Variants in IL1R1 observed in about 807,000 individuals in gnomAD.
IL1R1 encodes interleukin 1 receptor type 1.
IL1R1 carries 22 observed loss-of-function variants against 50.2 expected under a neutral mutation model. That is an observed-to-expected ratio of 0.44 (90% CI 0.31 to 0.63). The LOEUF (loss-of-function observed/expected upper bound fraction) is 0.63. Ranked by LOEUF, IL1R1 falls within the 20% of genes least tolerant of loss-of-function variation. IL1R1 has a pLI of 0.07. For missense variants in IL1R1, 509 were observed against 676.2 expected (o/e 0.75, Z 2.74); for synonymous variants, 251 against 236.7 (o/e 1.06, Z -0.55).
rs1478368407 is a variant in IL1R1 at position 102,165,214 on chromosome 2, A to T, written c.396A>T (p.Leu132=). The change falls in exon 5 of 12, where the codon CTA becomes CTT. Residue 132 remains leucine, a synonymous_variant. Transcript: ENST00000410023. ...YNAQAIFKQK[L]PVAGDGGLVC... The stretch of plus-strand genomic sequence containing the variant: ...CACAAGCCATATTTAAGCAGAAACT[A>T]CCCGTTGCAGGAGACGGAGGACTTG... The T allele has an allele frequency of 1.2e-6, 2 of 1,608,040 alleles. No homozygotes were observed. Among genetic ancestry groups the T allele is most frequent in the Non-Finnish European group, 1.7e-6 (2 of 1,177,946 alleles).
chr2:102,114,814 A>AAAAG (rs1559469832), intron 1 of IL1R1, among the ~76,000 whole-genome samples: 4 of 152,214 alleles, frequency 2.6e-5, no homozygotes, highest in African/African-American at 9.6e-5. Flanking sequence ...TTGGATTGGA[A>AAAAG]GTAGAGGCAG....
intron 1 of IL1R1, among the ~76,000 whole-genome samples, chr2:102,077,367 G>A (rs758316403): frequency 3.3e-5 from 5 of 152,246 alleles, no homozygotes; most frequent in Middle Eastern, 3.4e-3. Context: ...CGTGGCACCC[G>A]GCCGAAGTTT....
At chr2:102,103,280 A>G (rs537038624), upstream of IL1R1, among the ~76,000 whole-genome samples, 70 of 152,186 alleles carry the variant, frequency 4.6e-4, no homozygotes, top group Middle Eastern at 3.4e-3. Flanking sequence ...AGTCGGGAAA[A>G]TCACCCCAGG....
At chr2:102,081,335 GC>G (rs1679198254) in intron 1 of IL1R1, among the ~76,000 whole-genome samples, 1 of 152,148 alleles carries the variant, frequency 6.6e-6, no homozygotes, top group African/African-American at 2.4e-5. Context: ...AGCTAAGGGA[GC>G]CTGGGATGGA....
intron 7 of IL1R1, 74 bp downstream of exon 7, chr2:102,168,737 T>A: frequency 9.8e-7 from 1 of 1,021,588 alleles, no homozygotes; most frequent in Non-Finnish European, 1.5e-6. Flanking sequence ...ATAAATTGTA[T>A]CTTTACTATA....
chr2:102,101,233 T>TA (rs1252980607), upstream of IL1R1, among the ~76,000 whole-genome samples: 1 of 152,214 alleles, frequency 6.6e-6, no homozygotes, highest in Non-Finnish European at 1.5e-5. Context: ...CCCAAGAGTT[T>TA]AGACTATACT....
chr2:102,106,633 G>A (rs529271681), intron 1 of IL1R1, among the ~76,000 whole-genome samples: 4 of 152,116 alleles, frequency 2.6e-5, no homozygotes, highest in Non-Finnish European at 5.9e-5. Context: ...AGTAAAAGAC[G>A]AGAAGTAAAA....
At chr2:102,126,773 C>T (rs1476235695) in intron 1 of IL1R1, among the ~76,000 whole-genome samples, 2 of 152,142 alleles carry the variant, frequency 1.3e-5, no homozygotes, top group Non-Finnish European at 2.9e-5. Flanking sequence ...AGAGATTCTG[C>T]TCAGGTAGGG....
At chr2:102,158,668 G>C (rs767724842) in intron 3 of IL1R1, among the ~76,000 whole-genome samples, 3 of 152,184 alleles carry the variant, frequency 2.0e-5, no homozygotes, top group African/African-American at 7.2e-5. Flanking sequence ...TCTGGGTAAT[G>C]GGGGGATGGC....
rs900075564 is a variant in IL1R1 at position 102,086,354 on chromosome 2, C to G, written c.-84+15821C>G. Among the ~76,000 whole-genome samples the G allele has an allele frequency of 5.3e-5, 8 of 152,236 alleles. No homozygotes were observed. The East Asian group carries it at 1.5e-3, about 29-fold the overall frequency. ...CCTGTATGTGATGGGTCGTTTTTCT[C>G]TAGCTGCTCTCAGGATATTTTCTTT... On this transcript the variant is annotated intron_variant, in intron 1 of 11. Coordinates refer to the IL1R1 transcript ENST00000409929.
chr2:102,093,441 C>T (rs1394987320), intron 1 of IL1R1, among the ~76,000 whole-genome samples: 1 of 152,166 alleles, frequency 6.6e-6, no homozygotes, highest in East Asian at 1.9e-4. Context: ...AGCAGCTGTA[C>T]CATTTTACAT....
At chr2:102,149,979 G>A (rs563606440) in intron 1 of IL1R1, among the ~76,000 whole-genome samples, 1 of 152,254 alleles carries the variant, frequency 6.6e-6, no homozygotes, top group Non-Finnish European at 1.5e-5. Context: ...CCCCAGAAGT[G>A]GACCTCCAGC....
intron 1 of IL1R1, among the ~76,000 whole-genome samples, chr2:102,075,348 A>C (rs1360978324): frequency 2.0e-5 from 3 of 152,188 alleles, no homozygotes; most frequent in African/African-American, 7.2e-5. Context: ...CTGTGTAGAC[A>C]TAGTGGGCAC....
In IL1R1 at chr2:102,099,508, G is replaced by C. The variant is rs567103118; in HGVS notation, c.-84+28975G>C. On this transcript the variant is annotated intron_variant, in intron 1 of 11. Transcript: ENST00000409929. ...GGTACCATGGCTCCTAGCATGGTCT[G>C]GTGGCTACCAGGTGTACAGATATCA... 9.8e-5 allele frequency among the ~76,000 whole-genome samples: 15 copies of C among 152,298 alleles called. 1 individual carries two copies. The East Asian group carries it at 2.9e-3, about 29-fold the overall frequency.
chr2:102,092,618 AC>A (rs1174527186), intron 1 of IL1R1, among the ~76,000 whole-genome samples: 7 of 152,116 alleles, frequency 4.6e-5, no homozygotes, highest in Non-Finnish European at 4.4e-5. Flanking sequence ...CCTGTTCTAA[AC>A]GTAACATTGA....
rs1036977326 is a variant in IL1R1, at chr2:102,092,839, A to AT, written c.-84+22316dup. ...TCCGCTCTCTAGTTCCATGACTATG[A>AT]TTTTTTTTTTCAGCCAGAGTAAGTG... is the stretch of plus-strand genomic sequence containing the variant. On this transcript the variant is annotated intron_variant, in intron 1 of 11. Coordinates refer to the IL1R1 transcript ENST00000409929. Among the ~76,000 whole-genome samples the AT allele has an allele frequency of 3.7e-3, 562 of 150,494 alleles. 6 individuals carry two copies. Among genetic ancestry groups the AT allele is most frequent in the African/African-American group, 0.012 (510 of 41,044 alleles).
chr2:102,172,309 G>T (rs1221361014), intron 8 of IL1R1: 1 of 985,102 alleles, frequency 1.0e-6, no homozygotes, highest in Non-Finnish European at 1.2e-6. Flanking sequence ...TCATCTATGG[G>T]ACAAGGATCT....
chr2:102,074,070 A>C (rs1678855010), intron 1 of IL1R1, among the ~76,000 whole-genome samples: 1 of 152,138 alleles, frequency 6.6e-6, no homozygotes, highest in African/African-American at 2.4e-5. Context: ...CGTGGTCTCT[A>C]GGTTTGCAAT....
At chr2:102,113,145 C>T (rs1680870436) in intron 1 of IL1R1, among the ~76,000 whole-genome samples, 1 of 152,240 alleles carries the variant, frequency 6.6e-6, no homozygotes, top group Non-Finnish European at 1.5e-5. Flanking sequence ...ACACTGCGTT[C>T]AATCAGCCTG....
Sources: gnomAD v4.1 joint callset for allele counts (sites outside exome capture counted in the v4.1 genomes callset) on GRCh38, gnomAD v4.1.1 for gene constraint, MANE v1.5 for transcripts, NCBI Gene and HGNC (gene_info 2026-07-23, HGNC 2026-07-21) for gene names.